Variants in DLG2 observed in about 807,000 individuals in gnomAD.
The protein encoded by DLG2 is discs large MAGUK scaffold protein 2.
DLG2 carries 45 observed loss-of-function variants against 132.5 expected under a neutral mutation model. The observed-to-expected ratio is 0.34, with a 90% CI of 0.27 to 0.44. DLG2 has a LOEUF of 0.44. Among genes scored for constraint, DLG2 ranks in the 20% least tolerant of loss-of-function variants. The pLI is 1.00. For synonymous variants in DLG2, 424 were observed against 419.6 expected, an observed-to-expected ratio of 1.01 and a Z score of -0.13; for missense variants, 1,045 against 1,196.9, an observed-to-expected ratio of 0.87 and a Z score of 1.87.
chr11:85,020,617 C>T (rs1374101231), intron 6 of DLG2, among the ~76,000 whole-genome samples: 2 of 152,008 alleles, frequency 1.3e-5, no homozygotes, highest in East Asian at 3.9e-4. Context: ...GTCTTTAATC[C>T]ATCTTGAATT....
intron 8 of DLG2, among the ~76,000 whole-genome samples, chr11:84,197,036 CAAAAAA>C (rs60877284): frequency 3.4e-5 from 3 of 87,926 alleles, no homozygotes; most frequent in African/African-American, 1.3e-4. Context: ...GACTCTTTCT[CAAAAAA>C]AAAAAAAAAA....
chr11:85,277,746 T>C (rs1351933499), intron 4 of DLG2, among the ~76,000 whole-genome samples: 1 of 152,192 alleles, frequency 6.6e-6, no homozygotes. Flanking sequence ...ATCAAGTTAC[T>C]ACCCATGAGA....
chr11:84,206,809 T>C (rs2096672295), intron 8 of DLG2, among the ~76,000 whole-genome samples: 1 of 151,890 alleles, frequency 6.6e-6, no homozygotes, highest in South Asian at 2.1e-4. Flanking sequence ...GAATAATGCA[T>C]AAAAATGACT....
chr11:84,738,393 A>G (rs749704255), intron 6 of DLG2, among the ~76,000 whole-genome samples: 8 of 152,120 alleles, frequency 5.3e-5, no homozygotes, highest in Non-Finnish European at 1.2e-4. Context: ...GTGAGATAAA[A>G]TAAATATTGC....
chr11:84,366,879 C>T (rs1810327912), intron 7 of DLG2, among the ~76,000 whole-genome samples: 1 of 152,048 alleles, frequency 6.6e-6, no homozygotes. Flanking sequence ...TTTAACACCC[C>T]ACTGTCAACA....
intron 7 of DLG2, among the ~76,000 whole-genome samples, chr11:84,318,823 T>C (rs897159677): frequency 1.3e-5 from 2 of 152,104 alleles, no homozygotes; most frequent in African/African-American, 4.8e-5. Context: ...TAATGGCCAT[T>C]TTTCTCTAAG....
At chr11:84,000,703 G>C (rs2094302116) in intron 11 of DLG2, among the ~76,000 whole-genome samples, 1 of 152,004 alleles carries the variant, frequency 6.6e-6, no homozygotes, top group African/African-American at 2.4e-5. Flanking sequence ...GAAATGCAAT[G>C]ATATATTAAA....
intron 18 of DLG2, among the ~76,000 whole-genome samples, chr11:83,771,541 C>T (rs1017479736): frequency 5.9e-5 from 9 of 152,056 alleles, no homozygotes; most frequent in Non-Finnish European, 1.2e-4. Flanking sequence ...CTTGTTCCTG[C>T]GCTACAAATA....
At chr11:84,791,451 T>C (rs1041548284) in intron 6 of DLG2, among the ~76,000 whole-genome samples, 5 of 152,202 alleles carry the variant, frequency 3.3e-5, no homozygotes, top group Admixed American at 6.5e-5. Context: ...ATATAAATTT[T>C]AGGATTTTTT....
chr11:84,848,386 C>A (rs756558744), intron 6 of DLG2, among the ~76,000 whole-genome samples: 1 of 151,836 alleles, frequency 6.6e-6, no homozygotes, highest in African/African-American at 2.4e-5. Flanking sequence ...CCCAGCTACT[C>A]GGGAGGCTGA....
At chr11:84,296,490 C>T (rs183588469) in intron 7 of DLG2, among the ~76,000 whole-genome samples, 1 of 152,148 alleles carries the variant, frequency 6.6e-6, no homozygotes, top group East Asian at 1.9e-4. Context: ...AGCTGGGGTG[C>T]AGTGGTGGTG....
At chr11:85,471,937 G>A (rs2092996307) in intron 3 of DLG2, among the ~76,000 whole-genome samples, 1 of 151,962 alleles carries the variant, frequency 6.6e-6, no homozygotes, top group African/African-American at 2.4e-5. Flanking sequence ...AGACCCACAA[G>A]GAACCATAAT....
At chr11:84,575,403 C>G (rs2099497087) in intron 6 of DLG2, among the ~76,000 whole-genome samples, 1 of 151,982 alleles carries the variant, frequency 6.6e-6, no homozygotes, top group Non-Finnish European at 1.5e-5. Flanking sequence ...TCCTATTTAT[C>G]AAACTTAGTT....
chr11:83,814,941 A>C (rs1180723460), intron 17 of DLG2: 1 of 185,130 alleles, frequency 5.4e-6, no homozygotes, highest in Non-Finnish European at 1.2e-5. Flanking sequence ...CAAGAAATGG[A>C]AATGGGCAGT....
chr11:85,101,101 T>C (rs1419299201), intron 6 of DLG2, among the ~76,000 whole-genome samples: 1 of 152,120 alleles, frequency 6.6e-6, no homozygotes, highest in Non-Finnish European at 1.5e-5. Context: ...AACCAAATTA[T>C]ATCATAAAGC....
At chr11:83,844,547 C>CAAAAAAAA (rs59755957) in intron 16 of DLG2, among the ~76,000 whole-genome samples, 6 of 70,648 alleles carry the variant, frequency 8.5e-5, no homozygotes, top group East Asian at 5.2e-4. Context: ...GAGTCTGTAT[C>CAAAAAAAA]AAAAAAAAAA....
chr11:84,639,649 C>T (rs1050674464), intron 6 of DLG2, among the ~76,000 whole-genome samples: 2 of 152,152 alleles, frequency 1.3e-5, no homozygotes, highest in Non-Finnish European at 2.9e-5. Flanking sequence ...CTTGGTACTA[C>T]CTCTGGAGTC....
intron 6 of DLG2, among the ~76,000 whole-genome samples, chr11:84,683,536 T>A (rs79191159): frequency 6.6e-6 from 1 of 152,144 alleles, no homozygotes; most frequent in African/African-American, 2.4e-5. Context: ...TAATAGTTGC[T>A]GAAAATACCA....
intron 7 of DLG2, among the ~76,000 whole-genome samples, chr11:84,317,672 G>C (rs2098374770): frequency 6.6e-6 from 1 of 151,980 alleles, no homozygotes; most frequent in African/African-American, 2.4e-5. Flanking sequence ...AAAAATGATG[G>C]GAAAGTTAAC....
Sources: gnomAD v4.1 joint callset for allele counts (sites outside exome capture counted in the v4.1 genomes callset) on GRCh38, gnomAD v4.1.1 for gene constraint, MANE v1.5 for transcripts, NCBI Gene and HGNC (gene_info 2026-07-23, HGNC 2026-07-21) for gene names.